The following ATG14 variants were observed in gnomAD, a reference collection of about 807,000 sequenced individuals.
The protein encoded by ATG14 is autophagy related 14.
ATG14 carries 35 observed loss-of-function variants against 60.4 expected under a neutral mutation model. The ratio of observed to expected loss-of-function variants is 0.58; its 90% CI spans 0.44 to 0.77. The LOEUF is 0.77. ATG14 is among the 30% of genes least tolerant of loss of function. The probability of loss-of-function intolerance (pLI) is 0.00; values close to 1 mark genes in which losing one functional copy is unlikely to be tolerated. For missense variants in ATG14, 647 were observed against 626.3 expected (o/e 1.03, Z -0.35); for synonymous variants, 234 against 228.8 (o/e 1.02, Z -0.21).
chr14:55,367,220 A>G lies in ATG14; in HGVS notation c.*2399T>C, dbSNP rs1258678998. 1 of 152,214 alleles carries G rather than the reference A, an allele frequency of 6.6e-6. No individual in the cohort carries two copies. The highest frequency in any genetic ancestry group is 1.5e-5 in the Non-Finnish European group (1 of 68,038). The allele number at this position is 152,214 out of a possible 1,614,324, so 9.4% of individuals were successfully genotyped here. ...TGTTGTGCATCTCTCAGCTGAAGTC[A>G]GTCTCCACCACCAAGCTCCAAATCC... is the stretch of plus-strand genomic sequence containing the variant. On this transcript the variant is annotated 3_prime_UTR_variant, in exon 10 of 10. Coordinates refer to ENST00000247178, the MANE Select transcript of ATG14 (RefSeq NM_014924.5).
Position 55,397,373 on chromosome 14 carries a change from C to G in ATG14, c.283G>C (p.Glu95Gln), listed in dbSNP as rs1240619548. ...TAAAAGACAAAACAAAACACTCACT[C>G]TTTCTGAAATTCTTCTTGCTTGCTC... ...LKSKQEEFQKEVLKAMEGKWI... is the reference protein window; with the variant it reads ...LKSKQEEFQKQVLKAMEGKWI... Residue 95 changes from glutamate (E) to glutamine (Q), a missense_variant and splice_region_variant, in exon 2 of 10, where the codon GAA becomes CAA. Physicochemically the swap from Glu to Gln is conservative, Grantham distance 29. Transcript: ENST00000247178. 3 of 1,612,994 alleles carry G rather than the reference C, an allele frequency of 1.9e-6. No homozygotes were observed. The highest frequency in any genetic ancestry group is 1.6e-4 in the Middle Eastern group (1 of 6,080).
At position 55,411,631 on chromosome 14, in the gene ATG14, G is replaced by A. The variant is rs556057378; in HGVS notation, c.192C>T (p.Phe64=). 3.1e-6 allele frequency: 5 copies of A among 1,612,540 alleles called. No individual in the cohort carries two copies. Among genetic ancestry groups the A allele is most frequent in the Admixed American group, 1.7e-5 (1 of 59,942 alleles). Residue 64 remains phenylalanine (F), a synonymous_variant, in exon 1 of 10, where the codon TTC becomes TTT. Coordinates refer to ENST00000247178, the MANE Select transcript of ATG14 (RefSeq NM_014924.5). ...TCAKCVQSGD[F]VYFDGRDRER... is the part of the protein sequence containing the mutation. Reference sequence around the variant, plus strand: ...CCCGGTCGCGGCCGTCGAAGTAGACGAAATCGCCGCTCTGAACGCATTTGG... The same window carrying A: ...CCCGGTCGCGGCCGTCGAAGTAGACAAAATCGCCGCTCTGAACGCATTTGG...
In ATG14 at chr14:55,411,655, G is replaced by C. The variant is rs1885575393; in HGVS notation, c.168C>G (p.Ala56=). 6.2e-7 allele frequency: 1 copy of C among 1,613,522 alleles called. No homozygotes were observed. Among genetic ancestry groups the C allele is most frequent in the Non-Finnish European group, 8.5e-7 (1 of 1,179,930 alleles). The part of the protein sequence containing the change: ...CNTTRRRLTC[A]KCVQSGDFVY... ...CGAAATCGCCGCTCTGAACGCATTT[G>C]GCGCAGGTCAGCCGCCGGCGGGTAG... The change falls in exon 1 of 10, where the codon GCC becomes GCG. Residue 56 remains alanine, a synonymous_variant. Transcript: ENST00000247178.
rs1594777059 is a variant in ATG14 at position 55,377,970 on chromosome 14, C to T, written c.1086+14G>A. ...TAACAAAGTAAAAATTAGTTCACAACCTATTTTTCATACCTGAGAAAAACA... is the reference window on the plus strand; with the variant it reads ...TAACAAAGTAAAAATTAGTTCACAATCTATTTTTCATACCTGAGAAAAACA... On this transcript the variant is annotated intron_variant, in intron 8 of 9. Transcript: ENST00000247178. 6.2e-7 allele frequency: 1 copy of T among 1,600,590 alleles called. No homozygotes were observed. Among genetic ancestry groups the T allele is most frequent in the South Asian group, 1.1e-5 (1 of 89,448 alleles).
rs1555342969 is a variant in ATG14 at position 55,402,964 on chromosome 14, T to TAA, written c.222-5531_222-5530insTT. On this transcript the variant is annotated intron_variant, in intron 1 of 9. Coordinates refer to ENST00000247178, the MANE Select transcript of ATG14 (RefSeq NM_014924.5). ...ATATATATATATATATATATATATA[T>TAA]ATATAAATAGCTGGGCATAGTGGTG... Among the ~76,000 whole-genome samples the TAA allele has an allele frequency of 4.3e-3, 255 of 59,730 alleles. 4 individuals carry two copies. Among genetic ancestry groups the TAA allele is most frequent in the Non-Finnish European group, 6.8e-3 (212 of 31,138 alleles). 39.2% of individuals were successfully genotyped at this position (59,730 alleles called of 152,430 possible).
intron 1 of ATG14, among the ~76,000 whole-genome samples, chr14:55,397,943 C>CTTTTTTTTTTT (rs928087584): frequency 9.5e-6 from 1 of 105,558 alleles, no homozygotes; most frequent in Non-Finnish European, 1.9e-5. Context: ...TGCAGTAATT[C>CTTTTTTTTTTT]TTTTTTTTTT....
At chr14:55,376,556 T>C (rs1884922334) in intron 9 of ATG14, among the ~76,000 whole-genome samples, 1 of 152,164 alleles carries the variant, frequency 6.6e-6, no homozygotes, top group African/African-American at 2.4e-5. Context: ...ATGTTAACTA[T>C]CTGAGGTGGG....
At position 55,404,535 on chromosome 14, in the gene ATG14, G is replaced by C. The variant is rs1257563215; in HGVS notation, c.221+7067C>G. Among the ~76,000 whole-genome samples, 3 of 152,278 alleles carry C rather than the reference G, an allele frequency of 2.0e-5. No individual in the cohort carries two copies. The South Asian group carries it at 6.2e-4, about 32-fold the overall frequency. ...TCACATTTTATTTTCCATGAAGTAT[G>C]TCTTTTGGTGTTCAAAAGAGACGAG... On this transcript the variant is annotated intron_variant, in intron 1 of 9. Coordinates refer to ENST00000247178, the MANE Select transcript of ATG14 (RefSeq NM_014924.5).
At chr14:55,378,693 C>T (rs769869333) in intron 7 of ATG14, among the ~76,000 whole-genome samples, 1 of 151,858 alleles carries the variant, frequency 6.6e-6, no homozygotes, top group Non-Finnish European at 1.5e-5. Context: ...ACCACATTCC[C>T]TCTTACCTTT....
At chr14:55,377,501 T>C (rs78962984) in intron 9 of ATG14, among the ~76,000 whole-genome samples, 8,855 of 151,946 alleles carry the variant, frequency 0.058, 325 homozygotes, top group South Asian at 0.089. Context: ...GGAGAAGAAA[T>C]AGACGCAGAT....
At chr14:55,399,634 T>C (rs1013554048) in intron 1 of ATG14, among the ~76,000 whole-genome samples, 6 of 152,252 alleles carry the variant, frequency 3.9e-5, no homozygotes, top group Admixed American at 6.5e-5. Flanking sequence ...TCTGTTTCCT[T>C]GTATCAAAAA....
chr14:55,403,358 G>A (rs1471636910), intron 1 of ATG14, among the ~76,000 whole-genome samples: 2 of 152,066 alleles, frequency 1.3e-5, no homozygotes, highest in Non-Finnish European at 2.9e-5. Flanking sequence ...GAGGGATTAT[G>A]AAACCAGGAT....
intron 1 of ATG14, among the ~76,000 whole-genome samples, chr14:55,398,173 G>A (rs908551155): frequency 6.6e-6 from 1 of 151,936 alleles, no homozygotes; most frequent in African/African-American, 2.4e-5. Flanking sequence ...GGATGGTCTC[G>A]ATCTCCTGAC....
At chr14:55,409,211 T>C (rs765896972) in intron 1 of ATG14, among the ~76,000 whole-genome samples, 2 of 152,184 alleles carry the variant, frequency 1.3e-5, no homozygotes, top group Non-Finnish European at 1.5e-5. Flanking sequence ...AAGAAAAGTA[T>C]AGGATAACTC....
At chr14:55,398,488 A>G (rs1355845783) in intron 1 of ATG14, among the ~76,000 whole-genome samples, 2 of 152,132 alleles carry the variant, frequency 1.3e-5, no homozygotes, top group African/African-American at 4.8e-5. Flanking sequence ...TTAGTTTGAA[A>G]CTTTTAATCT....
In ATG14 at chr14:55,385,926, G is replaced by A. The variant is rs1885118337; in HGVS notation, c.580C>T (p.Arg194Ter). 3.1e-6 allele frequency: 5 copies of A among 1,614,094 alleles called. No homozygotes were observed. Among genetic ancestry groups the A allele is most frequent in the Non-Finnish European group, 4.2e-6 (5 of 1,180,028 alleles). The change falls in exon 5 of 10, where the codon CGA (arginine) becomes TGA (stop). Residue 194 changes from arginine to a stop codon, truncating the protein, a stop_gained. Transcript: ENST00000247178. LOFTEE classifies it high-confidence loss of function. ...GTGAGCTCTAATATATGGGATCGTC[G>A]AAGATTTGCCAGACGCTCATAATGA... ...RSHYERLANL[R>*]RSHILELTSV...
At chr14:55,384,361 A>G (rs981069014) in intron 5 of ATG14, among the ~76,000 whole-genome samples, 4 of 152,242 alleles carry the variant, frequency 2.6e-5, no homozygotes, top group African/African-American at 9.6e-5. Context: ...TCAATTCAGG[A>G]AAATATTATA....
rs775652622 is a variant in ATG14 at position 55,382,104 on chromosome 14, G to A, written c.735C>T (p.Tyr245=). 2 of 1,614,108 alleles carry A rather than the reference G, an allele frequency of 1.2e-6. No homozygotes were observed. The highest frequency in any genetic ancestry group is 1.7e-6 in the Non-Finnish European group (2 of 1,180,024). ...CGTCACAGACCCATCGTCCTGAGAG[G>A]TAAGTTGTCCTCCGGGCTTCAGCAA... The part of the protein sequence containing the change: ...SKLAEARRTT[Y]LSGRWVCDDH... Residue 245 remains tyrosine (Y), a synonymous_variant, in exon 6 of 10, where the codon TAC becomes TAT. Coordinates refer to ENST00000247178, the MANE Select transcript of ATG14 (RefSeq NM_014924.5).
chr14:55,394,076 G>A (rs894979134), intron 3 of ATG14, among the ~76,000 whole-genome samples: 8 of 149,046 alleles, frequency 5.4e-5, no homozygotes, highest in South Asian at 2.1e-4. Context: ...GCGCAATCTC[G>A]GCTCACTGTG....
Sources: gnomAD v4.1 joint callset for allele counts (sites outside exome capture counted in the v4.1 genomes callset) on GRCh38, gnomAD v4.1.1 for gene constraint, MANE v1.5 for transcripts, NCBI Gene and HGNC (gene_info 2026-07-23, HGNC 2026-07-21) for gene names.